HCRTR2: variants seen among roughly 807,000 people sequenced by gnomAD.
HCRTR2 encodes orexin receptor type 2.
HCRTR2 carries 22 observed loss-of-function variants against 49.0 expected under a neutral mutation model. The observed-to-expected ratio is 0.45, with a 90% CI of 0.32 to 0.64. The LOEUF (loss-of-function observed/expected upper bound fraction) is 0.64. HCRTR2 is among the 30% of genes least tolerant of loss of function. The pLI, the probability that HCRTR2 is intolerant of heterozygous loss-of-function variation, is 0.04. For missense variants in HCRTR2, 491 were observed against 559.4 expected, an observed-to-expected ratio of 0.88 and a Z score of 1.23; for synonymous variants, 236 against 205.3, an observed-to-expected ratio of 1.15 and a Z score of -1.28.
chr6:55,205,264 A>G (rs1349073901), intron 1 of HCRTR2, among the ~76,000 whole-genome samples: 2 of 152,218 alleles, frequency 1.3e-5, no homozygotes, highest in African/African-American at 2.4e-5. Context: ...GTAGGTAAAT[A>G]TAGATAAATT....
intron 1 of HCRTR2, among the ~76,000 whole-genome samples, chr6:55,196,207 T>C (rs1765406755): frequency 6.6e-6 from 1 of 152,144 alleles, no homozygotes; most frequent in African/African-American, 2.4e-5. Flanking sequence ...GAAACTATCC[T>C]TTTGCCATTT....
chr6:55,139,054 T>G (rs1764472110), intron 1 of HCRTR2, among the ~76,000 whole-genome samples: 2 of 152,120 alleles, frequency 1.3e-5, no homozygotes, highest in African/African-American at 4.8e-5. Context: ...CATTTGTGTC[T>G]GGAAGGAGAA....
At chr6:55,134,426 C>T (rs537983733) in intron 1 of HCRTR2, among the ~76,000 whole-genome samples, 9 of 151,734 alleles carry the variant, frequency 5.9e-5, no homozygotes, top group South Asian at 2.1e-4. Context: ...CATTAATTAA[C>T]GCATGCATCA....
intron 1 of HCRTR2, among the ~76,000 whole-genome samples, chr6:55,159,254 AG>A (rs1436393460): frequency 7.1e-6 from 1 of 141,818 alleles, no homozygotes; most frequent in Non-Finnish European, 1.5e-5. Context: ...AGAAAGGAAT[AG>A]CATCAACATC....
At chr6:55,212,482 TTC>T (rs1455430602) in intron 1 of HCRTR2, among the ~76,000 whole-genome samples, 4 of 152,200 alleles carry the variant, frequency 2.6e-5, no homozygotes, top group Admixed American at 6.6e-5. Context: ...ATAACGTGAA[TTC>T]TGTTTTGAAG....
intron 1 of HCRTR2, among the ~76,000 whole-genome samples, chr6:55,137,759 T>C (rs1407982928): frequency 2.0e-5 from 3 of 152,210 alleles, no homozygotes; most frequent in Non-Finnish European, 4.4e-5. Context: ...ATATTAACAC[T>C]TTACCTACTG....
chr6:55,142,322 G>C (rs10440849), intron 1 of HCRTR2, among the ~76,000 whole-genome samples: 36,259 of 150,330 alleles, frequency 0.24, 4,727 homozygotes, highest in African/African-American at 0.32. Context: ...TCAGCCTCCC[G>C]AGTAGCTGGG....
chr6:55,186,779 A>G (rs1328411936), intron 1 of HCRTR2, among the ~76,000 whole-genome samples: 5 of 152,296 alleles, frequency 3.3e-5, no homozygotes, highest in African/African-American at 9.6e-5. Flanking sequence ...TGTACTTTCT[A>G]TAATAAAAAG....
chr6:55,211,652 G>T (rs916022292), intron 1 of HCRTR2, among the ~76,000 whole-genome samples: 1 of 152,026 alleles, frequency 6.6e-6, no homozygotes, highest in African/African-American at 2.4e-5. Flanking sequence ...TTTCAACTGT[G>T]CCCTCTAGCC....
intron 1 of HCRTR2, among the ~76,000 whole-genome samples, chr6:55,110,113 G>T (rs1182232366): frequency 6.6e-6 from 1 of 152,164 alleles, no homozygotes; most frequent in Non-Finnish European, 1.5e-5. Flanking sequence ...TTTGTATCCA[G>T]TGACTAAGGT....
At chr6:55,254,792 T>C (rs1766618859) in intron 2 of HCRTR2, among the ~76,000 whole-genome samples, 1 of 151,700 alleles carries the variant, frequency 6.6e-6, no homozygotes. Flanking sequence ...GAGGGTATGA[T>C]TTCTTCCAAT....
intron 1 of HCRTR2, among the ~76,000 whole-genome samples, chr6:55,164,635 G>A (rs1038088520): frequency 6.6e-6 from 1 of 152,144 alleles, no homozygotes. Context: ...GCAGTGGGGG[G>A]CTAGGGGAGG....
At chr6:55,271,131 C>G (rs1198010761) in intron 4 of HCRTR2, among the ~76,000 whole-genome samples, 1 of 152,164 alleles carries the variant, frequency 6.6e-6, no homozygotes, top group Admixed American at 6.5e-5. Context: ...AACTTACTTC[C>G]TAATGTCAAA....
At chr6:55,266,984 C>T (rs978097729) in intron 4 of HCRTR2, among the ~76,000 whole-genome samples, 3 of 152,074 alleles carry the variant, frequency 2.0e-5, no homozygotes, top group African/African-American at 7.2e-5. Flanking sequence ...AGAAGATTTG[C>T]AGTAAAATGC....
intron 1 of HCRTR2, among the ~76,000 whole-genome samples, chr6:55,145,448 T>A (rs887764896): frequency 1.3e-5 from 2 of 150,406 alleles, no homozygotes; most frequent in Non-Finnish European, 2.9e-5. Context: ...TCTTGCTCAG[T>A]CGCCTAGGCT....
chr6:55,227,093 T>C (rs1766023401), intron 1 of HCRTR2, among the ~76,000 whole-genome samples: 1 of 152,130 alleles, frequency 6.6e-6, no homozygotes, highest in African/African-American at 2.4e-5. Context: ...TACTATTCTG[T>C]TACTTGGATT....
intron 1 of HCRTR2, among the ~76,000 whole-genome samples, chr6:55,233,069 G>A (rs1274880078): frequency 6.6e-6 from 1 of 151,086 alleles, no homozygotes. Context: ...GACAAAAAAT[G>A]GATTTTTGAA....
chr6:55,190,526 G>T (rs1765298706), intron 1 of HCRTR2, among the ~76,000 whole-genome samples: 1 of 152,078 alleles, frequency 6.6e-6, no homozygotes, highest in African/African-American at 2.4e-5. Context: ...TAGATAAGGA[G>T]ACAGGTATGG....
At chr6:55,188,388 G>T (rs186625446) in intron 1 of HCRTR2, among the ~76,000 whole-genome samples, 15 of 152,268 alleles carry the variant, frequency 9.9e-5, no homozygotes, top group African/African-American at 3.6e-4. Flanking sequence ...TCAGAAGACC[G>T]CTCTGAATGC....
Sources: gnomAD v4.1 joint callset for allele counts (sites outside exome capture counted in the v4.1 genomes callset) on GRCh38, gnomAD v4.1.1 for gene constraint, MANE v1.5 for transcripts, NCBI Gene and HGNC (gene_info 2026-07-23, HGNC 2026-07-21) for gene names.